Variants in ADAMTS7 observed in about 807,000 individuals in gnomAD.
ADAMTS7 encodes ADAM metallopeptidase with thrombospondin type 1 motif 7, also known as A disintegrin and metalloproteinase with thrombospondin motifs 7.
ADAMTS7 carries 89 observed loss-of-function variants against 172.6 expected under a neutral mutation model. The observed-to-expected ratio is 0.52, with a 90% CI of 0.43 to 0.61. ADAMTS7 has a LOEUF of 0.61. Among genes scored for constraint, ADAMTS7 ranks in the 20% least tolerant of loss-of-function variants. The pLI, the probability that ADAMTS7 is intolerant of heterozygous loss-of-function variation, is 0.00. For synonymous variants in ADAMTS7, 885 were observed against 978.4 expected, an observed-to-expected ratio of 0.90 and a Z score of 1.78; for missense variants, 1,973 against 2,355.6, an observed-to-expected ratio of 0.84 and a Z score of 3.36.
intron 1 of ADAMTS7, among the ~76,000 whole-genome samples, chr15:78,800,988 G>T (rs1445690229): frequency 6.6e-6 from 1 of 152,064 alleles, no homozygotes; most frequent in African/African-American, 2.4e-5. Context: ...TGATACGCTC[G>T]CCTCGGCCTC....
intron 8 of ADAMTS7, among the ~76,000 whole-genome samples, chr15:78,784,062 T>C (rs1282582797): frequency 6.6e-6 from 1 of 152,110 alleles, no homozygotes; most frequent in Non-Finnish European, 1.5e-5. Flanking sequence ...ATAAATCAGA[T>C]GCCCCCTAGA....
intron 10 of ADAMTS7, 121 bp downstream of exon 10, chr15:78,776,628 A>G (rs2055349721): frequency 9.4e-7 from 1 of 1,064,462 alleles, no homozygotes; most frequent in Non-Finnish European, 1.4e-6. Flanking sequence ...GGCTGCAGAG[A>G]GCGTGGGGCT....
chr15:78,797,683 G>T (rs2055664058), intron 3 of ADAMTS7, among the ~76,000 whole-genome samples: 1 of 152,258 alleles, frequency 6.6e-6, no homozygotes, highest in Admixed American at 6.5e-5. Flanking sequence ...AGCAGAGGGA[G>T]GCTGAGCCCC....
intron 7 of ADAMTS7, 142 bp downstream of exon 7, chr15:78,789,547 C>T: frequency 8.5e-7 from 1 of 1,173,706 alleles, no homozygotes; most frequent in Admixed American, 2.2e-5. Context: ...AGTGCAGGGG[C>T]AGCACATGGC....
chr15:78,787,307 T>A (rs145060080), intron 8 of ADAMTS7, among the ~76,000 whole-genome samples: 24 of 148,556 alleles, frequency 1.6e-4, no homozygotes, highest in African/African-American at 5.7e-4. Flanking sequence ...TAATTTAAAT[T>A]TAAAACTTTT....
At chr15:78,762,022 C>T (rs2055052852) in intron 23 of ADAMTS7, 1 of 985,424 alleles carries the variant, frequency 1.0e-6, no homozygotes, top group East Asian at 1.1e-4. Context: ...GACAGGGACT[C>T]ACCCAGGCCC....
At chr15:78,786,682 T>C (rs2055506527) in intron 8 of ADAMTS7, among the ~76,000 whole-genome samples, 8 of 152,234 alleles carry the variant, frequency 5.3e-5, no homozygotes, top group Admixed American at 4.6e-4. Context: ...CTGGGTAGAA[T>C]GTGCACATAC....
chr15:78,808,064 C>T (rs1392569305), intron 1 of ADAMTS7, among the ~76,000 whole-genome samples: 2 of 152,000 alleles, frequency 1.3e-5, no homozygotes, highest in African/African-American at 2.4e-5. Flanking sequence ...TTATGCTGCC[C>T]AGGCTGGTCT....
rs368790352 is a variant in ADAMTS7, at chr15:78,784,356, C to A, written c.1322+3875G>T. 1.2e-3 allele frequency among the ~76,000 whole-genome samples: 141 copies of A among 114,614 alleles called. 1 individual carries two copies. The highest frequency in any genetic ancestry group is 4.6e-3 in the African/African-American group (137 of 29,488). The allele number at this position is 114,614 out of a possible 152,430, so 75.2% of individuals were successfully genotyped here. On this transcript the variant is annotated intron_variant, in intron 8 of 23. Transcript: ENST00000388820. Reference sequence around the variant, plus strand: ...CTCCAGCCTGGGCAACAAAGCGAGACTCAAAGAAAGAAAGAAAGACAGAGA... The same window carrying A: ...CTCCAGCCTGGGCAACAAAGCGAGAATCAAAGAAAGAAAGAAAGACAGAGA...
At chr15:78,798,777 C>A (rs2055680083) in intron 2 of ADAMTS7, among the ~76,000 whole-genome samples, 1 of 152,200 alleles carries the variant, frequency 6.6e-6, no homozygotes, top group Non-Finnish European at 1.5e-5. Context: ...CCACTACCTC[C>A]TGAGGAAGCT....
In ADAMTS7 at chr15:78,765,493, C is replaced by T. The variant is rs546760057; in HGVS notation, c.4266+152G>A. 4.6e-4 allele frequency: 591 copies of T among 1,296,232 alleles called. 3 individuals carry two copies. Among genetic ancestry groups the T allele is most frequent in the East Asian group, 2.2e-3 (91 of 41,254 alleles). 80.3% of individuals were successfully genotyped at this position (1,296,232 alleles called of 1,614,324 possible). On this transcript the variant is annotated intron_variant, in intron 19 of 23. Coordinates refer to ENST00000388820, the MANE Select transcript of ADAMTS7 (RefSeq NM_014272.5). ...CCCTGTGCTGCCCAGGAATGGGGCCCGGGGTCCCCTCATCCCCCTAATCCT... is the reference window on the plus strand; with the variant it reads ...CCCTGTGCTGCCCAGGAATGGGGCCTGGGGTCCCCTCATCCCCCTAATCCT...
At chr15:78,787,328 A>C (rs1198112701) in intron 8 of ADAMTS7, among the ~76,000 whole-genome samples, 1 of 150,852 alleles carries the variant, frequency 6.6e-6, no homozygotes, top group Admixed American at 6.7e-5. Flanking sequence ...TCTTACTTAG[A>C]ACATTAAATA....
intron 1 of ADAMTS7, among the ~76,000 whole-genome samples, chr15:78,802,945 C>T (rs4887113): frequency 0.3 from 45,841 of 151,810 alleles, 8,828 homozygotes; most frequent in Non-Finnish European, 0.44. Context: ...TGTAGTGAGC[C>T]GAGATCGCAT....
In ADAMTS7 at chr15:78,773,101, C is replaced by T. The variant is rs569671719; in HGVS notation, c.2113G>A (p.Glu705Lys). Residue 705 changes from glutamate (E) to lysine (K), a missense_variant, in exon 14 of 24, where the codon GAG (glutamate) becomes AAG (lysine). This residue lies in a region of ADAMTS7 where 771 missense variants were observed against 952.6 expected (regional missense o/e 0.81). Transcript: ENST00000388820. The part of the protein sequence containing the change: ...STCHTVSGTF[E>K]EAEGLGYVDV... ...CCCATACCCAGGCCCTCGGCCTCCTCGAAGGTCCCGCTCACGGTGTGGCAG... is the reference window on the plus strand; with the variant it reads ...CCCATACCCAGGCCCTCGGCCTCCTTGAAGGTCCCGCTCACGGTGTGGCAG... The T allele has an allele frequency of 3.3e-5, 50 of 1,519,630 alleles. No individual in the cohort carries two copies. The African/African-American group carries it at 5.1e-4, about 15-fold the overall frequency. 94.1% of individuals were successfully genotyped at this position (1,519,630 alleles called of 1,614,324 possible). A position where few individuals can be genotyped will look rare whatever the true frequency, so the allele number is the denominator to read the frequency against.
At position 78,790,518 on chromosome 15, in the gene ADAMTS7, G is replaced by A. The variant is rs572093081; in HGVS notation, c.1028+152C>T. ...AAAATAAAAAGACCTCCCCAAGTGCGGACAGAATCCAGCCTTGGGCCAAAG... is the reference window on the plus strand; with the variant it reads ...AAAATAAAAAGACCTCCCCAAGTGCAGACAGAATCCAGCCTTGGGCCAAAG... On this transcript the variant is annotated intron_variant, in intron 6 of 23. Coordinates refer to ENST00000388820, the MANE Select transcript of ADAMTS7 (RefSeq NM_014272.5). 6.8e-5 allele frequency: 65 copies of A among 961,836 alleles called. 1 individual carries two copies. The South Asian group carries it at 1.1e-3, about 16-fold the overall frequency. The allele number at this position is 961,836 out of a possible 1,614,324, so 59.6% of individuals were successfully genotyped here. A position where few individuals can be genotyped will look rare whatever the true frequency, so the allele number is the denominator to read the frequency against.
chr15:78,803,617 G>A (rs968366701), intron 1 of ADAMTS7, among the ~76,000 whole-genome samples: 35 of 152,100 alleles, frequency 2.3e-4, no homozygotes, highest in African/African-American at 8.2e-4. Context: ...CACTCCCAGC[G>A]AGTTCTTGTA....
Position 78,798,070 on chromosome 15 carries a change from G to A in ADAMTS7, c.500C>T (p.Pro167Leu). The change falls in exon 3 of 24, where the codon CCC becomes CTC. Residue 167 changes from proline to leucine, a missense_variant. Pro to Leu is a moderately conservative substitution (Grantham distance 98). Coordinates refer to ENST00000388820, the MANE Select transcript of ADAMTS7 (RefSeq NM_014272.5). The stretch of plus-strand genomic sequence containing the variant: ...AGGCCGGGCCGGGGCACTGTCCAGG[G>A]GCTCAATGAAGTAGTCCTCGTTGGA... ...QLSNEDYFIEPLDSAPARPGH... is the reference protein window; with the variant it reads ...QLSNEDYFIELLDSAPARPGH... 1 of 1,567,448 alleles carries A rather than the reference G, an allele frequency of 6.4e-7. No individual in the cohort carries two copies.
intron 8 of ADAMTS7, among the ~76,000 whole-genome samples, chr15:78,785,358 T>G (rs946931840): frequency 6.6e-6 from 1 of 152,046 alleles, no homozygotes; most frequent in Non-Finnish European, 1.5e-5. Context: ...GAGACCAGCC[T>G]GGCCAACATG....
In ADAMTS7 at chr15:78,768,210, C is replaced by T; in HGVS notation, c.2568G>A (p.Val856=). The part of the protein sequence containing the change: ...VYCLERQAGP[V]DEEHCDPLGR... ...CCAGGGGGTCACAGTGCTCCTCGTCCACGGGCCCTGCCTGCCGCTCCAAGC... is the reference window on the plus strand; with the variant it reads ...CCAGGGGGTCACAGTGCTCCTCGTCTACGGGCCCTGCCTGCCGCTCCAAGC... The change falls in exon 17 of 24, where the codon GTG becomes GTA. Residue 856 remains valine (V), a synonymous_variant. Coordinates refer to ENST00000388820, the MANE Select transcript of ADAMTS7 (RefSeq NM_014272.5). 1 of 1,610,454 alleles carries T rather than the reference C, an allele frequency of 6.2e-7. No individual in the cohort carries two copies. Among genetic ancestry groups the T allele is most frequent in the South Asian group, 1.1e-5 (1 of 90,890 alleles).
Sources: allele counts gnomAD v4.1 joint callset (sites outside exome capture counted in the v4.1 genomes callset), GRCh38; gene constraint gnomAD v4.1.1; regional missense constraint gnomAD v4.1.1; transcripts MANE v1.5; gene names NCBI Gene and HGNC (gene_info 2026-07-23, HGNC 2026-07-21).